PIN4: variants seen among roughly 807,000 people sequenced by gnomAD.
PIN4 encodes peptidyl-prolyl cis-trans isomerase NIMA-interacting 4.
PIN4 carries 3 observed loss-of-function variants against 8.3 expected under a neutral mutation model. The observed-to-expected ratio is 0.36, with a 90% CI of 0.16 to 0.93. PIN4 has a LOEUF of 0.93. PIN4 is among the 40% of genes least tolerant of loss of function. The probability of loss-of-function intolerance (pLI) is 0.44; values close to 1 mark genes in which losing one functional copy is unlikely to be tolerated. For synonymous variants in PIN4, 18 were observed against 32.5 expected (o/e 0.55, Z 1.52); for missense variants, 75 against 100.6 (o/e 0.75, Z 1.09).
At chrX:72,255,125 GA>G (rs2043104866) in intron 3 of PIN4, among the ~76,000 whole-genome samples, 1 of 109,560 alleles carries the variant, frequency 9.1e-6, no homozygotes, top group African/African-American at 3.3e-5. Context: ...GGGAGAAGGG[GA>G]AAAGAAGACA....
chrX:72,197,298 C>T (rs1416263584), intron 3 of PIN4, 70 bp from the exon 4 acceptor site: 5 of 992,409 alleles, frequency 5.0e-6, no homozygotes, highest in Non-Finnish European at 6.9e-6. Context: ...TTGGGAAATT[C>T]TCTCAAGCTA....
rs191885653 is a variant in PIN4, at chrX:72,240,819, G to T, written c.313-21888G>T. On this transcript the variant is annotated intron_variant, in intron 3 of 3. Coordinates refer to the PIN4 transcript ENST00000423432. Reference sequence around the variant, plus strand: ...CATCTCAAAAAAAAGAAAAGGGTTGGGGGGAGGTGGGGGATCTTGGAGAAC... The same window carrying T: ...CATCTCAAAAAAAAGAAAAGGGTTGTGGGGAGGTGGGGGATCTTGGAGAAC... 2.3e-3 allele frequency among the ~76,000 whole-genome samples: 251 copies of T among 108,485 alleles called. 1 individual carries two copies. Among genetic ancestry groups the T allele is most frequent in the African/African-American group, 8.1e-3 (239 of 29,451 alleles). 94.2% of individuals were successfully genotyped at this position (108,485 alleles called of 115,157 possible).
At chrX:72,230,011 T>TA (rs2042974516) in intron 3 of PIN4, among the ~76,000 whole-genome samples, 1 of 109,102 alleles carries the variant, frequency 9.2e-6, no homozygotes, top group Non-Finnish European at 1.9e-5. Context: ...CCATCTCTAC[T>TA]AAAAATACAA....
intron 3 of PIN4, among the ~76,000 whole-genome samples, chrX:72,247,417 T>C (rs1489965422): frequency 8.9e-6 from 1 of 112,056 alleles, no homozygotes; most frequent in African/African-American, 3.2e-5. Flanking sequence ...CAAGGACATT[T>C]CTGGGAGCTC....
chrX:72,198,378 CT>C, downstream of PIN4: 1 of 703,784 alleles, frequency 1.4e-6, no homozygotes. Flanking sequence ...AACACACTGC[CT>C]TCTCTCCCTC....
chrX:72,255,551 C>T (rs1008199293), intron 3 of PIN4: 1 of 110,625 alleles, frequency 9.0e-6, no homozygotes, highest in Admixed American at 9.6e-5. Flanking sequence ...CGCTCCCCCA[C>T]CTGATCTCCT....
intron 3 of PIN4, among the ~76,000 whole-genome samples, chrX:72,234,550 G>A (rs992758928): frequency 4.5e-5 from 5 of 111,478 alleles, no homozygotes; most frequent in Non-Finnish European, 9.4e-5. Flanking sequence ...GAGAAGAAAT[G>A]GAGCAATAAC....
intron 2 of PIN4, among the ~76,000 whole-genome samples, chrX:72,191,352 A>C (rs1310151059): frequency 1.8e-5 from 2 of 110,218 alleles, no homozygotes; most frequent in Admixed American, 1.9e-4. Context: ...GGAATTCGAG[A>C]CCAGCCTGGC....
In PIN4 at chrX:72,213,703, C is replaced by T. The variant is rs191360370; in HGVS notation, c.312+16799C>T. On this transcript the variant is annotated intron_variant, in intron 3 of 3. Transcript: ENST00000423432. ...TCCTGCATGGCTAAGTGCCCGGGTTCGTCCTAATCCAGCTGAACACTAGTT... is the reference window on the plus strand; with the variant it reads ...TCCTGCATGGCTAAGTGCCCGGGTTTGTCCTAATCCAGCTGAACACTAGTT... 3.6e-3 allele frequency among the ~76,000 whole-genome samples: 400 copies of T among 112,155 alleles called. 2 individuals are homozygous for T. The highest frequency in any genetic ancestry group is 0.012 in the African/African-American group (380 of 30,888).
At chrX:72,196,374 A>C (rs188907910) in intron 2 of PIN4, among the ~76,000 whole-genome samples, 2 of 110,560 alleles carry the variant, frequency 1.8e-5, no homozygotes, top group African/African-American at 6.6e-5. Context: ...TCTCTACTAA[A>C]AATACAAAAA....
At chrX:72,260,977 C>T (rs181987348) in intron 3 of PIN4, among the ~76,000 whole-genome samples, 112 of 111,817 alleles carry the variant, frequency 1.0e-3, no homozygotes, top group African/African-American at 3.5e-3. Context: ...CTGCTTTCAC[C>T]GTGCAGCCAG....
At chrX:72,253,556 C>T (rs1266019218) in intron 3 of PIN4, among the ~76,000 whole-genome samples, 7 of 109,527 alleles carry the variant, frequency 6.4e-5, no homozygotes, top group Admixed American at 2.0e-4. Context: ...ACCCGGGAGG[C>T]GGAGATTGCA....
rs747415869 is a variant in PIN4 at position 72,206,789 on chromosome X, T to C, written c.312+9885T>C. 2.5e-6 allele frequency: 3 copies of C among 1,210,483 alleles called. No individual in the cohort carries two copies. The Admixed American group carries it at 6.5e-5, about 26-fold the overall frequency. The stretch of plus-strand genomic sequence containing the variant: ...ATCCCCAAAGACTGCAGGTAGGCAA[T>C]ATGTTCATCTAGTTTTATATCAGAT... On this transcript the variant is annotated intron_variant, in intron 3 of 3. Coordinates refer to the PIN4 transcript ENST00000423432.
chrX:72,251,751 G>A (rs1456981487), intron 3 of PIN4, among the ~76,000 whole-genome samples: 1 of 110,311 alleles, frequency 9.1e-6, no homozygotes, highest in African/African-American at 3.3e-5. Context: ...CATAGACTGA[G>A]TGGTTTAAAC....
downstream of PIN4, among the ~76,000 whole-genome samples, chrX:72,201,637 T>C (rs1193611371): frequency 1.8e-5 from 2 of 112,457 alleles, no homozygotes; most frequent in Non-Finnish European, 3.8e-5. Context: ...TATGTGTGTG[T>C]GCCTCTTTAT....
At chrX:72,207,719 G>A (rs767450780) in intron 3 of PIN4, 16 of 1,211,251 alleles carry the variant, frequency 1.3e-5, no homozygotes, top group African/African-American at 1.7e-5. Context: ...TCAACATCTG[G>A]ATTCTTTTCA....
chrX:72,189,924 C>T (rs1349766511), intron 2 of PIN4, among the ~76,000 whole-genome samples: 4 of 110,812 alleles, frequency 3.6e-5, no homozygotes, highest in Non-Finnish European at 7.5e-5. Flanking sequence ...GCTCCTTTCA[C>T]ATTCTGTCAT....
intron 3 of PIN4, among the ~76,000 whole-genome samples, chrX:72,211,404 T>C (rs979288982): frequency 1.8e-5 from 2 of 111,306 alleles, no homozygotes; most frequent in African/African-American, 3.3e-5. Flanking sequence ...TTTAATTCCA[T>C]AGGAATGGAC....
chrX:72,199,895 G>A (rs924748027), downstream of PIN4, among the ~76,000 whole-genome samples: 3 of 112,428 alleles, frequency 2.7e-5, no homozygotes, highest in South Asian at 3.6e-4. Flanking sequence ...GCCAGGCAGC[G>A]CGGCTGACGC....
Sources: gnomAD v4.1 joint callset for allele counts (sites outside exome capture counted in the v4.1 genomes callset) on GRCh38, gnomAD v4.1.1 for gene constraint, MANE v1.5 for transcripts, NCBI Gene and HGNC (gene_info 2026-07-23, HGNC 2026-07-21) for gene names.